SPRED1: variants seen among roughly 807,000 people sequenced by gnomAD.
SPRED1 encodes sprouty related EVH1 domain containing 1.
In SPRED1, 18 loss-of-function variants were observed where a neutral mutation model predicts 52.3. The ratio of observed to expected loss-of-function variants is 0.34; its 90% confidence interval spans 0.24 to 0.51. The LOEUF (loss-of-function observed/expected upper bound fraction) is 0.51. SPRED1 is among the 20% of genes least tolerant of loss of function. The probability of loss-of-function intolerance (pLI) is 0.97; values close to 1 mark genes in which losing one functional copy is unlikely to be tolerated. For synonymous variants in SPRED1, 155 were observed against 179.7 expected, an observed-to-expected ratio of 0.86 and a Z score of 1.10; for missense variants, 485 against 551.0, an observed-to-expected ratio of 0.88 and a Z score of 1.20.
chr15:38,312,723 G>C (rs1486615012), intron 2 of SPRED1, among the ~76,000 whole-genome samples: 1 of 151,936 alleles, frequency 6.6e-6, no homozygotes, highest in Non-Finnish European at 1.5e-5. Flanking sequence ...AGTTTGGTAA[G>C]TTACAGTTTT....
At chr15:38,289,074 T>G (rs1377120900) in intron 1 of SPRED1, among the ~76,000 whole-genome samples, 1 of 152,188 alleles carries the variant, frequency 6.6e-6, no homozygotes, top group East Asian at 1.9e-4. Flanking sequence ...GGAATCTGTG[T>G]TTTTAGTTAC....
chr15:38,333,531 G>T (rs1283171296), intron 4 of SPRED1, among the ~76,000 whole-genome samples: 2 of 152,024 alleles, frequency 1.3e-5, no homozygotes, highest in Non-Finnish European at 2.9e-5. Context: ...TTCACATAAG[G>T]AAAGCCACTA....
chr15:38,311,669 C>T (rs1895370264), intron 2 of SPRED1, among the ~76,000 whole-genome samples: 2 of 151,986 alleles, frequency 1.3e-5, no homozygotes, highest in African/African-American at 4.8e-5. Context: ...TTTAAATAAT[C>T]GGTCAATTTC....
intron 4 of SPRED1, among the ~76,000 whole-genome samples, chr15:38,330,959 A>G (rs922280932): frequency 1.3e-5 from 2 of 152,044 alleles, no homozygotes; most frequent in Non-Finnish European, 2.9e-5. Flanking sequence ...GAGAAGCAAA[A>G]TCTTTTTTTG....
At chr15:38,327,698 A>C (rs932169077) in intron 4 of SPRED1, among the ~76,000 whole-genome samples, 1 of 152,222 alleles carries the variant, frequency 6.6e-6, no homozygotes, top group Non-Finnish European at 1.5e-5. Flanking sequence ...AGCCACTGCT[A>C]ATATCCTGAC....
rs955756455 is a variant in SPRED1 at position 38,352,638 on chromosome 15, A to G, written c.*974A>G. The G allele has an allele frequency of 3.9e-5, 6 of 152,346 alleles. No homozygotes were observed. The highest frequency in any genetic ancestry group is 1.4e-4 in the African/African-American group (6 of 41,444). The allele number at this position is 152,346 out of a possible 1,614,324, so 9.4% of individuals were successfully genotyped here. A position where few individuals can be genotyped will look rare whatever the true frequency, so the allele number is the denominator to read the frequency against. On this transcript the variant is annotated 3_prime_UTR_variant, in exon 7 of 7. Coordinates refer to ENST00000299084, the MANE Select transcript of SPRED1 (RefSeq NM_152594.3). ...TTCAAAAAGTTATATTGCATTTACA[A>G]ATGTTTTACAAGGCAGAAAGTTTGA...
intron 1 of SPRED1, among the ~76,000 whole-genome samples, chr15:38,279,081 C>T (rs539927174): frequency 3.3e-5 from 5 of 152,294 alleles, no homozygotes; most frequent in East Asian, 3.9e-4. Context: ...CCTCCTAGGC[C>T]TCCCAAAGTG....
chr15:38,322,860 T>G (rs1895632824), intron 3 of SPRED1, among the ~76,000 whole-genome samples: 1 of 152,154 alleles, frequency 6.6e-6, no homozygotes, highest in Non-Finnish European at 1.5e-5. Flanking sequence ...CTTGATTGAT[T>G]TCATTATTGA....
chr15:38,280,670 A>G (rs1409003043), intron 1 of SPRED1, among the ~76,000 whole-genome samples: 1 of 152,214 alleles, frequency 6.6e-6, no homozygotes, highest in African/African-American at 2.4e-5. Flanking sequence ...TAGTAAGCGT[A>G]TATGTGGATC....
intron 1 of SPRED1, among the ~76,000 whole-genome samples, chr15:38,287,409 T>C (rs1382149544): frequency 1.3e-5 from 2 of 152,192 alleles, no homozygotes; most frequent in Admixed American, 6.5e-5. Context: ...TCTCTTTCAT[T>C]GTTTCTTTGA....
chr15:38,339,256 AT>A (rs934184576), intron 4 of SPRED1, among the ~76,000 whole-genome samples: 5 of 152,126 alleles, frequency 3.3e-5, no homozygotes, highest in African/African-American at 1.2e-4. Flanking sequence ...GTTGAGTCTA[AT>A]TTATTCATTC....
At position 38,253,154 on chromosome 15, in the gene SPRED1, C is replaced by T; in HGVS notation, c.-32C>T. On this transcript the variant is annotated 5_prime_UTR_variant, in exon 1 of 7. Coordinates refer to ENST00000299084, the MANE Select transcript of SPRED1 (RefSeq NM_152594.3). ...TGCTCCCCCGCCTGCTGTTGCTCCT[C>T]CATCTCCAGATCGGATCACGGTGAG... 16 of 1,569,330 alleles carry T rather than the reference C, an allele frequency of 1.0e-5. No individual in the cohort carries two copies. The highest frequency in any genetic ancestry group is 1.3e-5 in the Non-Finnish European group (15 of 1,156,438).
At chr15:38,323,134 G>C (rs1047555369) in intron 3 of SPRED1, among the ~76,000 whole-genome samples, 3 of 151,972 alleles carry the variant, frequency 2.0e-5, no homozygotes, top group African/African-American at 7.2e-5. Flanking sequence ...AAGTGTGCTA[G>C]ACTACGTTGT....
intron 4 of SPRED1, among the ~76,000 whole-genome samples, chr15:38,338,298 G>GTCT: frequency 7.1e-6 from 1 of 140,710 alleles, no homozygotes; most frequent in Non-Finnish European, 1.5e-5. Context: ...TTTTTGTTTT[G>GTCT]TTTTGTTTTT....
At chr15:38,301,525 A>G (rs1895148939) in intron 2 of SPRED1, among the ~76,000 whole-genome samples, 1 of 152,156 alleles carries the variant, frequency 6.6e-6, no homozygotes, top group South Asian at 2.1e-4. Flanking sequence ...TATTTCTTAG[A>G]GGGATTAACT....
intron 1 of SPRED1, among the ~76,000 whole-genome samples, chr15:38,295,852 A>G (rs1895025240): frequency 6.6e-6 from 1 of 152,174 alleles, no homozygotes; most frequent in African/African-American, 2.4e-5. Context: ...GAGCTAAAAA[A>G]ATCACAAGTT....
At chr15:38,346,272 G>A (rs1226735691) in intron 5 of SPRED1, among the ~76,000 whole-genome samples, 3 of 150,848 alleles carry the variant, frequency 2.0e-5, no homozygotes, top group Admixed American at 6.6e-5. Flanking sequence ...AGCCACGTAC[G>A]CCATTGCACC....
chr15:38,285,791 C>T (rs1396186246), intron 1 of SPRED1, among the ~76,000 whole-genome samples: 2 of 152,152 alleles, frequency 1.3e-5, no homozygotes, highest in East Asian at 1.9e-4. Flanking sequence ...TCATGTTTTT[C>T]AAGTTACCTT....
At chr15:38,337,592 G>A (rs1249886844) in intron 4 of SPRED1, among the ~76,000 whole-genome samples, 1 of 151,938 alleles carries the variant, frequency 6.6e-6, no homozygotes, top group Non-Finnish European at 1.5e-5. Context: ...AAACACTTGT[G>A]ATATTTTCTT....
Sources: allele counts gnomAD v4.1 joint callset (sites outside exome capture counted in the v4.1 genomes callset), GRCh38; gene constraint gnomAD v4.1.1; transcripts MANE v1.5; gene names NCBI Gene and HGNC (gene_info 2026-07-23, HGNC 2026-07-21).